ZBTB20: variants seen among roughly 807,000 people sequenced by gnomAD.
The protein encoded by ZBTB20 is zinc finger and BTB domain-containing protein 20.
In ZBTB20, 9 loss-of-function variants were observed where a neutral mutation model predicts 56.9. The observed-to-expected ratio is 0.16, with a 90% CI of 0.10 to 0.28. ZBTB20 has a LOEUF of 0.28. ZBTB20 is among the 10% of genes least tolerant of loss of function. ZBTB20 has a pLI of 1.00. For synonymous variants in ZBTB20, 417 were observed against 420.7 expected, an observed-to-expected ratio of 0.99 and a Z score of 0.11; for missense variants, 655 against 1,003.0, an observed-to-expected ratio of 0.65 and a Z score of 4.69.
intron 6 of ZBTB20, among the ~76,000 whole-genome samples, chr3:114,529,724 G>A (rs147200623): frequency 1.3e-5 from 2 of 152,342 alleles, no homozygotes; most frequent in African/African-American, 2.4e-5. Context: ...GGGATGATGG[G>A]TTGGGGTTTT....
chr3:114,467,019 A>G (rs2092582223), intron 7 of ZBTB20, among the ~76,000 whole-genome samples: 1 of 152,226 alleles, frequency 6.6e-6, no homozygotes, highest in Non-Finnish European at 1.5e-5. Context: ...GGAAAATTCC[A>G]ACAATTAGAA....
At position 114,945,962 on chromosome 3, in the gene ZBTB20, T is replaced by C. The variant is rs879366620; in HGVS notation, c.-456+28404A>G. Among the ~76,000 whole-genome samples, 8 of 145,582 alleles carry C rather than the reference T, an allele frequency of 5.5e-5. No homozygotes were observed. In the East Asian group the frequency reaches 1.3e-3, roughly 24 times the overall value. ...CATTAAATAATACTAGTTAATCTAC[T>C]AGGAAGATATCACAGTTCCAAATTT... On this transcript the variant is annotated intron_variant, in intron 3 of 11. Coordinates refer to ENST00000675478, the MANE Select transcript of ZBTB20 (RefSeq NM_001348800.3).
intron 7 of ZBTB20, among the ~76,000 whole-genome samples, chr3:114,492,448 C>T (rs2042852880): frequency 1.3e-5 from 2 of 152,090 alleles, no homozygotes; most frequent in African/African-American, 4.8e-5. Flanking sequence ...TTTGATAAGC[C>T]CCAAACCAGG....
chr3:114,543,008 T>A (rs966132558), intron 6 of ZBTB20, among the ~76,000 whole-genome samples: 2 of 152,054 alleles, frequency 1.3e-5, no homozygotes, highest in African/African-American at 4.8e-5. Flanking sequence ...ACATATAATA[T>A]CCAGAAAAAC....
intron 6 of ZBTB20, among the ~76,000 whole-genome samples, chr3:114,509,241 C>A (rs1456631917): frequency 1.1e-4 from 16 of 152,126 alleles, no homozygotes. Flanking sequence ...TTTGGGGATA[C>A]TCTTAGTGAG....
intron 3 of ZBTB20, among the ~76,000 whole-genome samples, chr3:114,927,124 G>C (rs1247258292): frequency 6.6e-6 from 1 of 152,174 alleles, no homozygotes; most frequent in Non-Finnish European, 1.5e-5. Context: ...TCTATTCAAA[G>C]TCATCCCTCT....
At chr3:114,393,643 T>G (rs867202521) in intron 7 of ZBTB20, among the ~76,000 whole-genome samples, 1 of 152,190 alleles carries the variant, frequency 6.6e-6, no homozygotes, top group African/African-American at 2.4e-5. Context: ...AATGACTTCA[T>G]GGGGTTTCAC....
intron 3 of ZBTB20, among the ~76,000 whole-genome samples, chr3:114,968,612 A>G (rs989783916): frequency 1.3e-5 from 2 of 152,186 alleles, no homozygotes; most frequent in African/African-American, 4.8e-5. Context: ...AATACTCCAC[A>G]TATACACCCA....
intron 3 of ZBTB20, among the ~76,000 whole-genome samples, chr3:114,949,663 G>T (rs2076996309): frequency 6.9e-6 from 1 of 145,254 alleles, no homozygotes; most frequent in Non-Finnish European, 1.5e-5. Flanking sequence ...AGCTACTTGG[G>T]AAGCTGAGGC....
chr3:114,441,756 A>AT (rs1201404154), intron 7 of ZBTB20, among the ~76,000 whole-genome samples: 1 of 152,132 alleles, frequency 6.6e-6, no homozygotes, highest in East Asian at 1.9e-4. Flanking sequence ...CATATTCAAC[A>AT]TTTTTTCCAT....
chr3:114,827,981 C>T (rs2073631168), intron 4 of ZBTB20, among the ~76,000 whole-genome samples: 1 of 151,734 alleles, frequency 6.6e-6, no homozygotes, highest in Non-Finnish European at 1.5e-5. Flanking sequence ...CAAAAGTCTA[C>T]ATTCTATTAA....
At chr3:114,424,941 T>A (rs973001937) in intron 7 of ZBTB20, among the ~76,000 whole-genome samples, 11 of 152,136 alleles carry the variant, frequency 7.2e-5, no homozygotes, top group Admixed American at 6.5e-5. Context: ...TTTTTTTAAA[T>A]CAATTAAGTC....
chr3:115,104,482 T>C (rs1200050725), intron 1 of ZBTB20, among the ~76,000 whole-genome samples: 4 of 152,140 alleles, frequency 2.6e-5, no homozygotes, highest in Non-Finnish European at 5.9e-5. Flanking sequence ...TTATGGTACA[T>C]CCAGGCAGTG....
chr3:114,933,098 C>T (rs1475699663), intron 3 of ZBTB20, among the ~76,000 whole-genome samples: 3 of 152,146 alleles, frequency 2.0e-5, no homozygotes, highest in Non-Finnish European at 4.4e-5. Context: ...TAAGTAAAGC[C>T]ATCATAGTCA....
rs932718322 is a variant in ZBTB20 at position 114,849,960 on chromosome 3, C to A, written c.-416-48786G>T. ...TGCTGCCCAGGTTGGAGTGCAATGGCGCAATCTCGGCTCACTGCAACCTCC... is the reference window on the plus strand; with the variant it reads ...TGCTGCCCAGGTTGGAGTGCAATGGAGCAATCTCGGCTCACTGCAACCTCC... On this transcript the variant is annotated intron_variant, in intron 4 of 11. Transcript: ENST00000675478. Among the ~76,000 whole-genome samples the A allele has an allele frequency of 5.9e-5, 8 of 134,608 alleles. No homozygotes were observed. In the Admixed American group the frequency reaches 6.2e-4, roughly 10 times the overall value. 88.3% of individuals were successfully genotyped at this position (134,608 alleles called of 152,430 possible).
At chr3:114,708,938 C>T (rs1456096493) in intron 5 of ZBTB20, among the ~76,000 whole-genome samples, 1 of 151,856 alleles carries the variant, frequency 6.6e-6, no homozygotes, top group Non-Finnish European at 1.5e-5. Flanking sequence ...TTCATCTATA[C>T]CAACCTTCCT....
chr3:115,095,372 T>A (rs150334240), intron 1 of ZBTB20, among the ~76,000 whole-genome samples: 1 of 152,080 alleles, frequency 6.6e-6, no homozygotes, highest in Non-Finnish European at 1.5e-5. Context: ...TTCAGCTGAG[T>A]GTCAAAAGAT....
chr3:114,547,503 G>T (rs544313596), intron 6 of ZBTB20, among the ~76,000 whole-genome samples: 5 of 152,298 alleles, frequency 3.3e-5, no homozygotes, highest in Admixed American at 3.3e-4. Flanking sequence ...AAAAATGATC[G>T]TAGTGCTGGG....
chr3:114,651,924 A>G (rs2060157703), intron 6 of ZBTB20, among the ~76,000 whole-genome samples: 1 of 152,058 alleles, frequency 6.6e-6, no homozygotes, highest in Non-Finnish European at 1.5e-5. Flanking sequence ...GTTTTAAAAC[A>G]GCTTTGAAGG....
Sources: gnomAD v4.1 joint callset for allele counts (sites outside exome capture counted in the v4.1 genomes callset) on GRCh38, gnomAD v4.1.1 for gene constraint, MANE v1.5 for transcripts, NCBI Gene and HGNC (gene_info 2026-07-23, HGNC 2026-07-21) for gene names.